The following KLHL3 variants were observed in gnomAD, a reference collection of about 807,000 sequenced individuals.
The protein encoded by KLHL3 is kelch like family member 3.
Under a neutral mutation model 70.5 loss-of-function variants are expected in KLHL3, and 19 were observed. The ratio of observed to expected loss-of-function variants is 0.27; its 90% CI spans 0.19 to 0.40. The LOEUF is 0.40. Ranked by LOEUF, KLHL3 falls within the 10% of genes least tolerant of loss-of-function variation. KLHL3 has a pLI of 1.00. For synonymous variants in KLHL3, 258 were observed against 290.3 expected, an observed-to-expected ratio of 0.89 and a Z score of 1.13; for missense variants, 512 against 771.1, an observed-to-expected ratio of 0.66 and a Z score of 3.98.
At chr5:137,635,838 A>G (rs1316546760) in intron 11 of KLHL3, among the ~76,000 whole-genome samples, 1 of 152,188 alleles carries the variant, frequency 6.6e-6, no homozygotes, top group Non-Finnish European at 1.5e-5. Context: ...GAACATGCTC[A>G]CAAAAGCCTT....
intron 5 of KLHL3, among the ~76,000 whole-genome samples, chr5:137,687,140 T>A (rs1181880644): frequency 1.9e-5 from 1 of 54,052 alleles, no homozygotes; most frequent in Admixed American, 1.8e-4. Context: ...GCCCCCCGCC[T>A]GGCCAGCCGC....
intron 5 of KLHL3, among the ~76,000 whole-genome samples, chr5:137,690,956 G>C (rs915722796): frequency 6.6e-6 from 1 of 152,190 alleles, no homozygotes; most frequent in African/African-American, 2.4e-5. Flanking sequence ...TAAATGATCA[G>C]ACCTATTTCC....
chr5:137,727,706 CTCACTAGATTAGTTAAAA>C (rs1340061221), intron 1 of KLHL3, among the ~76,000 whole-genome samples: 2 of 152,186 alleles, frequency 1.3e-5, no homozygotes, highest in Non-Finnish European at 1.5e-5. Context: ...TTCTCCACTA[CTCACTAGATTAGTTAAAA>C]TCTAGTGGGA....
At position 137,709,797 on chromosome 5, in the gene KLHL3, C is replaced by T. The variant is rs778670860; in HGVS notation, c.194G>A (p.Arg65His). 2.5e-6 allele frequency: 4 copies of T among 1,614,042 alleles called. No homozygotes were observed. The highest frequency in any genetic ancestry group is 2.2e-5 in the South Asian group (2 of 91,092). ...GGGGCTGCAGGCTGCCAGGACCACA[C>T]GGTGGGCTTCTATCTCGACATCTTC... The part of the protein sequence containing the change: ...VAEDVEIEAH[R>H]VVLAACSPYF... The change falls in exon 3 of 15, where the codon CGT becomes CAT. Residue 65 changes from arginine to histidine, a missense_variant. Transcript: ENST00000309755.
chr5:137,720,650 C>G (rs1752980203), intron 1 of KLHL3, 66 bp from the exon 2 acceptor site: 1 of 1,602,744 alleles, frequency 6.2e-7, no homozygotes, highest in East Asian at 2.2e-5. Context: ...CATCCAACTG[C>G]CAAAAGCCCA....
chr5:137,638,904 G>A (rs750949458), intron 10 of KLHL3, 49 bp downstream of exon 10: 1 of 1,558,410 alleles, frequency 6.4e-7, no homozygotes. Flanking sequence ...GGGTTGCATG[G>A]AGGATGTGTC....
At chr5:137,673,386 A>G (rs556699735) in intron 6 of KLHL3, among the ~76,000 whole-genome samples, 44 of 152,298 alleles carry the variant, frequency 2.9e-4, no homozygotes, top group African/African-American at 9.4e-4. Context: ...CTTGAACATG[A>G]TGCCATCCCT....
At chr5:137,688,701 T>G (rs544555573) in intron 5 of KLHL3, among the ~76,000 whole-genome samples, 1 of 152,374 alleles carries the variant, frequency 6.6e-6, no homozygotes, top group South Asian at 2.1e-4. Context: ...TCCTGCCTTC[T>G]GTCCCTTCTG....
At chr5:137,734,836 G>A (rs983301157) in intron 1 of KLHL3, among the ~76,000 whole-genome samples, 14 of 152,206 alleles carry the variant, frequency 9.2e-5, no homozygotes, top group African/African-American at 3.4e-4. Context: ...TCTGCACTGC[G>A]CTGAGCACCT....
At chr5:137,701,632 G>A (rs1185822570) in intron 3 of KLHL3, among the ~76,000 whole-genome samples, 1 of 152,034 alleles carries the variant, frequency 6.6e-6, no homozygotes, top group Non-Finnish European at 1.5e-5. Context: ...TATTGGAGTA[G>A]AAAATTTAAA....
chr5:137,672,969 T>C (rs1751798122), intron 6 of KLHL3: 3 of 152,246 alleles, frequency 2.0e-5, no homozygotes, highest in Non-Finnish European at 2.9e-5. Flanking sequence ...CTTGTCTCTA[T>C]CCTCAGGGTA....
At chr5:137,626,689 A>T (rs932240711) in intron 13 of KLHL3, among the ~76,000 whole-genome samples, 1 of 152,184 alleles carries the variant, frequency 6.6e-6, no homozygotes, top group Non-Finnish European at 1.5e-5. Flanking sequence ...TCTAAAATAC[A>T]TGTGCTTCCT....
rs6887727 is a variant in KLHL3 at position 137,720,338 on chromosome 5, T to G, written c.134+127A>C. The stretch of plus-strand genomic sequence containing the variant: ...AGAGAGAAAGAAAGGGGAACTCAAG[T>G]GACTAAGAATGGATGGAAAGAGTCA... On this transcript the variant is annotated intron_variant, in intron 2 of 14. Transcript: ENST00000309755. 10 of 1,088,222 alleles carry G rather than the reference T, an allele frequency of 9.2e-6. No individual in the cohort carries two copies. In the South Asian group the frequency reaches 1.6e-4, roughly 17 times the overall value. The allele number at this position is 1,088,222 out of a possible 1,614,324, so 67.4% of individuals were successfully genotyped here.
At chr5:137,661,604 T>G (rs796912841) in intron 7 of KLHL3, 27 of 227,258 alleles carry the variant, frequency 1.2e-4, no homozygotes, top group African/African-American at 3.8e-4. Flanking sequence ...ACTCCTTTAG[T>G]CCTCACAACA....
At chr5:137,672,356 C>G (rs1751780442) in intron 6 of KLHL3, among the ~76,000 whole-genome samples, 1 of 152,188 alleles carries the variant, frequency 6.6e-6, no homozygotes, top group South Asian at 2.1e-4. Flanking sequence ...GCATGGAACA[C>G]CAATGATCCT....
intron 3 of KLHL3, among the ~76,000 whole-genome samples, chr5:137,701,567 T>G (rs988122153): frequency 2.0e-5 from 3 of 152,190 alleles, no homozygotes; most frequent in Admixed American, 2.0e-4. Context: ...ACCAAGCGGC[T>G]TATCCTCAAC....
chr5:137,668,342 C>T (rs925667517), intron 6 of KLHL3, among the ~76,000 whole-genome samples: 9 of 152,186 alleles, frequency 5.9e-5, no homozygotes, highest in African/African-American at 1.7e-4. Flanking sequence ...ACCCAGGAGG[C>T]GGACGTTGCA....
chr5:137,682,434 A>T (rs986107554), intron 5 of KLHL3, among the ~76,000 whole-genome samples: 2 of 148,344 alleles, frequency 1.3e-5, no homozygotes, highest in Non-Finnish European at 3.0e-5. Flanking sequence ...AGAGAGAGAG[A>T]GGCATAGACA....
intron 3 of KLHL3, among the ~76,000 whole-genome samples, chr5:137,708,803 G>T (rs1752733061): frequency 6.6e-6 from 1 of 152,220 alleles, no homozygotes. Context: ...AAAGCAGTCA[G>T]TTACATGAGA....
Sources: gnomAD v4.1 joint callset for allele counts (sites outside exome capture counted in the v4.1 genomes callset) on GRCh38, gnomAD v4.1.1 for gene constraint, MANE v1.5 for transcripts, NCBI Gene and HGNC (gene_info 2026-07-23, HGNC 2026-07-21) for gene names.